Variants in PTPRE observed in about 807,000 individuals in gnomAD.
PTPRE encodes receptor-type tyrosine-protein phosphatase epsilon.
Under a neutral mutation model 102.0 loss-of-function variants are expected in PTPRE, and 51 were observed. The ratio of observed to expected loss-of-function variants is 0.50; its 90% CI spans 0.40 to 0.63. PTPRE has a LOEUF of 0.63. Ranked by LOEUF, PTPRE falls within the 30% of genes least tolerant of loss-of-function variation. PTPRE has a pLI of 0.00. For missense variants in PTPRE, 752 were observed against 915.1 expected (o/e 0.82, Z 2.30); for synonymous variants, 345 against 348.2 (o/e 0.99, Z 0.10).
intron 2 of PTPRE, among the ~76,000 whole-genome samples, chr10:127,989,370 G>A (rs1406941006): frequency 6.6e-6 from 1 of 152,126 alleles, no homozygotes; most frequent in Non-Finnish European, 1.5e-5. Flanking sequence ...TTGCATTTCT[G>A]ATAAGACACA....
intron 7 of PTPRE, among the ~76,000 whole-genome samples, chr10:128,058,499 G>C (rs1281127577): frequency 6.6e-6 from 1 of 152,224 alleles, no homozygotes; most frequent in East Asian, 1.9e-4. Flanking sequence ...TGGGGGACCA[G>C]GACGTGGCAC....
intron 1 of PTPRE, among the ~76,000 whole-genome samples, chr10:127,946,947 G>A (rs532532775): frequency 1.3e-5 from 2 of 150,734 alleles, no homozygotes; most frequent in Admixed American, 6.7e-5. Context: ...AGGATCCCTC[G>A]AGCTCAGGAG....
intron 20 of PTPRE, among the ~76,000 whole-genome samples, chr10:128,081,670 T>A (rs375149110): frequency 6.6e-6 from 1 of 152,226 alleles, no homozygotes; most frequent in East Asian, 1.9e-4. Context: ...TTCTAAGAAT[T>A]CAATTCCCTT....
chr10:127,991,178 G>A (rs1852616060), intron 2 of PTPRE, among the ~76,000 whole-genome samples: 1 of 152,194 alleles, frequency 6.6e-6, no homozygotes. Context: ...GATGAAGTTA[G>A]AAATCCCAAA....
chr10:127,955,986 C>T (rs558245386), intron 1 of PTPRE, among the ~76,000 whole-genome samples: 1 of 152,274 alleles, frequency 6.6e-6, no homozygotes, highest in East Asian at 1.9e-4. Context: ...TTACTTCCCA[C>T]CAAGCCCCTC....
At chr10:127,963,988 G>A (rs1850043306) in intron 1 of PTPRE, among the ~76,000 whole-genome samples, 1 of 152,088 alleles carries the variant, frequency 6.6e-6, no homozygotes, top group Non-Finnish European at 1.5e-5. Context: ...TTCTTAAAGT[G>A]AGCCACAGGA....
intron 1 of PTPRE, among the ~76,000 whole-genome samples, chr10:127,959,139 G>A (rs369973836): frequency 6.6e-6 from 1 of 152,090 alleles, no homozygotes; most frequent in Non-Finnish European, 1.5e-5. Context: ...CAAGTGATCC[G>A]CCTGCCTTAG....
intron 1 of PTPRE, among the ~76,000 whole-genome samples, chr10:127,923,756 C>G (rs1284170099): frequency 6.6e-6 from 1 of 152,184 alleles, no homozygotes; most frequent in Non-Finnish European, 1.5e-5. Flanking sequence ...GAGACACAAT[C>G]TTCCTTTAAC....
At chr10:128,042,547 A>T (rs1336704877) in intron 3 of PTPRE, among the ~76,000 whole-genome samples, 1 of 152,204 alleles carries the variant, frequency 6.6e-6, no homozygotes, top group African/African-American at 2.4e-5. Context: ...CTGGTCCACG[A>T]GCAAGAGGGA....
intron 2 of PTPRE, among the ~76,000 whole-genome samples, chr10:127,991,071 T>G (rs1353548703): frequency 6.6e-6 from 1 of 152,208 alleles, no homozygotes; most frequent in Non-Finnish European, 1.5e-5. Context: ...GTGAACCACT[T>G]CATCTCGTCA....
rs772328329 is a variant in PTPRE, at chr10:128,040,972, G to C, written c.91G>C (p.Glu31Gln). The C allele has an allele frequency of 1.2e-6, 2 of 1,613,904 alleles. No homozygotes were observed. The highest frequency in any genetic ancestry group is 1.7e-6 in the Non-Finnish European group (2 of 1,179,984). Residue 31 changes from glutamate to glutamine, a missense_variant, in exon 3 of 21, where the codon GAG becomes CAG. By Grantham distance (29) the Glu-to-Gln change is conservative (BLOSUM62 2). This residue lies in a region of PTPRE where 116 missense variants were observed against 90.8 expected (regional missense o/e 1.28). Transcript: ENST00000254667. Reference sequence around the variant, plus strand: ...CAACGAGACCACTGCCGACAGCAACGAGACAACCACGACCTCAGGTAAGGA... The same window carrying C: ...CAACGAGACCACTGCCGACAGCAACCAGACAACCACGACCTCAGGTAAGGA... ...RGNETTADSNETTTTSGPPDP... is the reference protein window; with the variant it reads ...RGNETTADSNQTTTTSGPPDP...
At chr10:127,918,375 G>C (rs1846357122) in intron 1 of PTPRE, among the ~76,000 whole-genome samples, 1 of 151,604 alleles carries the variant, frequency 6.6e-6, no homozygotes, top group African/African-American at 2.4e-5. Context: ...TGGCTAACAC[G>C]GTGAAACCCC....
chr10:127,927,161 T>G (rs1379063813), intron 1 of PTPRE, among the ~76,000 whole-genome samples: 2 of 151,980 alleles, frequency 1.3e-5, no homozygotes, highest in Non-Finnish European at 2.9e-5. Context: ...AGAGTGACAA[T>G]GGCAGGCAGG....
chr10:128,000,065 C>T (rs1220795083), intron 2 of PTPRE: 11 of 726,338 alleles, frequency 1.5e-5, no homozygotes, highest in Non-Finnish European at 1.5e-5. Flanking sequence ...TTCCATGAGT[C>T]TTTAACTTAG....
chr10:128,036,406 T>C (rs1411231323), intron 2 of PTPRE, among the ~76,000 whole-genome samples: 1 of 152,164 alleles, frequency 6.6e-6, no homozygotes, highest in Non-Finnish European at 1.5e-5. Flanking sequence ...ACCTTTCATC[T>C]TCAGTAACAA....
chr10:127,953,897 A>G (rs1375665463), intron 1 of PTPRE, among the ~76,000 whole-genome samples: 1 of 152,202 alleles, frequency 6.6e-6, no homozygotes, highest in East Asian at 1.9e-4. Context: ...GCAATTATAT[A>G]CTGATTCATG....
chr10:128,033,314 G>A (rs959528945), intron 2 of PTPRE, among the ~76,000 whole-genome samples: 3 of 152,222 alleles, frequency 2.0e-5, no homozygotes, highest in Non-Finnish European at 2.9e-5. Flanking sequence ...AAGGGTAGAA[G>A]AATTTCACGA....
At chr10:127,982,392 TGAGA>T in intron 2 of PTPRE, 96 bp downstream of exon 2, 3 of 909,578 alleles carry the variant, frequency 3.3e-6, no homozygotes, top group African/African-American at 1.8e-5. Flanking sequence ...ATTGTTTTCT[TGAGA>T]AAGAAAGCCA....
chr10:127,916,622 T>C (rs944327606), intron 1 of PTPRE, among the ~76,000 whole-genome samples: 5 of 152,112 alleles, frequency 3.3e-5, no homozygotes, highest in African/African-American at 1.2e-4. Flanking sequence ...ACCATGTGCT[T>C]GCCTGGCAGT....
Sources: allele counts gnomAD v4.1 joint callset (sites outside exome capture counted in the v4.1 genomes callset), GRCh38; gene constraint gnomAD v4.1.1; regional missense constraint gnomAD v4.1.1; transcripts MANE v1.5; gene names NCBI Gene and HGNC (gene_info 2026-07-23, HGNC 2026-07-21).